SGCG: variants seen among roughly 807,000 people sequenced by gnomAD.
SGCG encodes gamma-sarcoglycan.
Under a neutral mutation model 29.3 loss-of-function variants are expected in SGCG, and 26 were observed. The observed-to-expected ratio is 0.89, with a 90% CI of 0.65 to 1.23. The LOEUF (loss-of-function observed/expected upper bound fraction) is 1.23. Ranked by LOEUF, SGCG falls within the 50% of genes most tolerant of loss-of-function variation. The pLI, the probability that SGCG is intolerant of heterozygous loss-of-function variation, is 0.00. For synonymous variants in SGCG, 145 were observed against 129.7 expected (o/e 1.12, Z -0.80); for missense variants, 353 against 356.0 (o/e 0.99, Z 0.07).
At chr13:23,200,692 G>A (rs971785075) in intron 1 of SGCG, among the ~76,000 whole-genome samples, 53 of 152,158 alleles carry the variant, frequency 3.5e-4, no homozygotes, top group African/African-American at 1.3e-3. Flanking sequence ...GAGGAGCATG[G>A]GGAGCTCTGT....
chr13:23,296,376 CA>C (rs1291887240), intron 6 of SGCG, among the ~76,000 whole-genome samples: 1 of 152,174 alleles, frequency 6.6e-6, no homozygotes, highest in Non-Finnish European at 1.5e-5. Context: ...TCCATATTTG[CA>C]AAATAGTTGG....
At chr13:23,279,877 G>C (rs182454647) in intron 5 of SGCG, among the ~76,000 whole-genome samples, 1 of 151,906 alleles carries the variant, frequency 6.6e-6, no homozygotes, top group Non-Finnish European at 1.5e-5. Context: ...ACAGGCACCC[G>C]CCACCATGCC....
intron 4 of SGCG, among the ~76,000 whole-genome samples, chr13:23,262,195 C>T (rs1381764019): frequency 6.6e-6 from 1 of 151,944 alleles, no homozygotes; most frequent in Admixed American, 6.6e-5. Flanking sequence ...CTAAATGCTC[C>T]ACTTAAAAGA....
At chr13:23,217,389 T>C (rs1459898415) in intron 2 of SGCG, 1 of 152,138 alleles carries the variant, frequency 6.6e-6, no homozygotes, top group African/African-American at 2.4e-5. Context: ...CCGATTAATT[T>C]TTGCCTTTAC....
intron 6 of SGCG, among the ~76,000 whole-genome samples, chr13:23,310,735 ATTTCCCC>A (rs1466170797): frequency 7.3e-5 from 11 of 151,410 alleles, no homozygotes; most frequent in African/African-American, 2.7e-4. Flanking sequence ...CTCCACCCAT[ATTTCCCC>A]CAATAGTTCT....
intron 6 of SGCG, among the ~76,000 whole-genome samples, chr13:23,311,738 T>G (rs1361772813): frequency 6.6e-6 from 1 of 152,172 alleles, no homozygotes; most frequent in African/African-American, 2.4e-5. Context: ...ACCCAACAGT[T>G]CCTAAATGAT....
chr13:23,300,809 TAAAAAAAA>T (rs58050317), intron 6 of SGCG, among the ~76,000 whole-genome samples: 2 of 122,486 alleles, frequency 1.6e-5, no homozygotes, highest in Non-Finnish European at 3.2e-5. Flanking sequence ...ACTAGTTTAC[TAAAAAAAA>T]AAAAAAAAAA....
At chr13:23,202,996 G>A (rs565775353) in intron 1 of SGCG, among the ~76,000 whole-genome samples, 1 of 152,012 alleles carries the variant, frequency 6.6e-6, no homozygotes, top group African/African-American at 2.4e-5. Context: ...GTCTCACTCT[G>A]TCTTCCAGAC....
the SGCG span, among the ~76,000 whole-genome samples, chr13:23,165,900 G>T: frequency 1.1e-4 from 17 of 152,078 alleles, no homozygotes; most frequent in Non-Finnish European, 2.9e-5. Context: ...TTTGTATCTT[G>T]CAACCCTGCT....
upstream of SGCG, among the ~76,000 whole-genome samples, chr13:23,177,540 A>T (rs1485267854): frequency 2.0e-5 from 3 of 150,182 alleles, no homozygotes; most frequent in Non-Finnish European, 4.4e-5. Flanking sequence ...TTTTAAGTAT[A>T]GAAAACTGAT....
At chr13:23,280,786 A>G (rs915947970) in intron 5 of SGCG, among the ~76,000 whole-genome samples, 7 of 152,226 alleles carry the variant, frequency 4.6e-5, no homozygotes, top group African/African-American at 1.2e-4. Context: ...TGTGCAAAGG[A>G]CAGCAGAGTT....
intron 4 of SGCG, among the ~76,000 whole-genome samples, chr13:23,257,101 G>A (rs1211407428): frequency 1.3e-5 from 2 of 152,120 alleles, no homozygotes; most frequent in Admixed American, 1.3e-4. Flanking sequence ...TCTCTTTGTG[G>A]TTTTGATTTG....
At chr13:23,309,264 A>T (rs12862592) in intron 6 of SGCG, among the ~76,000 whole-genome samples, 1 of 151,810 alleles carries the variant, frequency 6.6e-6, no homozygotes, top group Non-Finnish European at 1.5e-5. Flanking sequence ...AGAGAGAGAG[A>T]GAAAGAGGAA....
intron 3 of SGCG, among the ~76,000 whole-genome samples, chr13:23,237,514 G>C (rs375487556): frequency 6.6e-6 from 1 of 152,136 alleles, no homozygotes; most frequent in Admixed American, 6.5e-5. Flanking sequence ...ACAACTATTT[G>C]AATAAAGTTG....
chr13:23,172,897 C>T, the SGCG span, among the ~76,000 whole-genome samples: 1 of 152,176 alleles, frequency 6.6e-6, no homozygotes, highest in Non-Finnish European at 1.5e-5. Flanking sequence ...AAGAAGGACA[C>T]ATGTTGATAC....
intron 6 of SGCG, among the ~76,000 whole-genome samples, chr13:23,319,299 C>CA (rs5802229): frequency 0.41 from 54,353 of 132,466 alleles, 10,835 homozygotes; most frequent in Non-Finnish European, 0.47. Context: ...GACTCCGTCT[C>CA]AAAAAAAAAA....
chr13:23,311,507 C>G (rs1882598007), intron 6 of SGCG, among the ~76,000 whole-genome samples: 1 of 152,232 alleles, frequency 6.6e-6, no homozygotes, highest in African/African-American at 2.4e-5. Flanking sequence ...CCTCCTTCCC[C>G]TTGATAAAGT....
intron 6 of SGCG, among the ~76,000 whole-genome samples, chr13:23,296,681 T>C (rs1160810340): frequency 1.3e-5 from 2 of 152,164 alleles, no homozygotes; most frequent in African/African-American, 4.8e-5. Flanking sequence ...AATAATACAG[T>C]TTTTTCCTTT....
At chr13:23,284,475 C>T (rs1030374694) in intron 5 of SGCG, among the ~76,000 whole-genome samples, 2 of 152,122 alleles carry the variant, frequency 1.3e-5, no homozygotes, top group African/African-American at 4.8e-5. Context: ...ATGTTCTTCT[C>T]TAAACTGGTT....
Sources: gnomAD v4.1 joint callset for allele counts (sites outside exome capture counted in the v4.1 genomes callset) on GRCh38, gnomAD v4.1.1 for gene constraint, MANE v1.5 for transcripts, NCBI Gene and HGNC (gene_info 2026-07-23, HGNC 2026-07-21) for gene names.